The following ERBIN variants were observed in gnomAD, a reference collection of about 807,000 sequenced individuals.
The protein encoded by ERBIN is erbb2 interacting protein, also known as densin-180-like protein.
Under a neutral mutation model 158.4 loss-of-function variants are expected in ERBIN, and 60 were observed. The ratio of observed to expected loss-of-function variants is 0.38; its 90% CI spans 0.31 to 0.47. The LOEUF is 0.47. ERBIN is among the 20% of genes least tolerant of loss of function. The pLI is 0.99. For missense variants in ERBIN, 1,610 were observed against 1,648.0 expected (o/e 0.98, Z 0.40); for synonymous variants, 594 against 557.2 (o/e 1.07, Z -0.93).
intron 1 of ERBIN, among the ~76,000 whole-genome samples, chr5:65,957,487 T>G (rs1441789805): frequency 6.6e-6 from 1 of 152,190 alleles, no homozygotes; most frequent in Non-Finnish European, 1.5e-5. Context: ...TTAATCCATT[T>G]AACCCTGAGT....
At chr5:66,037,118 G>A (rs1344152042) in intron 14 of ERBIN, among the ~76,000 whole-genome samples, 1 of 151,980 alleles carries the variant, frequency 6.6e-6, no homozygotes, top group Non-Finnish European at 1.5e-5. Flanking sequence ...CATCTAAGGG[G>A]GCTTATTTTT....
rs1387715740 is a variant in ERBIN, at chr5:65,930,114, T to C, written c.-58+3308T>C. 2.6e-5 allele frequency among the ~76,000 whole-genome samples: 4 copies of C among 152,348 alleles called. No homozygotes were observed. In the South Asian group the frequency reaches 8.3e-4, roughly 32 times the overall value. On this transcript the variant is annotated intron_variant, in intron 1 of 25. Coordinates refer to ENST00000284037, the MANE Select transcript of ERBIN (RefSeq NM_001253697.2). ...ATTTTCTCTGTGTTCAGTTGGTCGT[T>C]CTTAATTATATTTTGCCATTTCCCT... is the stretch of plus-strand genomic sequence containing the variant.
chr5:66,028,775 G>T (rs1208778350), intron 14 of ERBIN, among the ~76,000 whole-genome samples: 2 of 152,012 alleles, frequency 1.3e-5, no homozygotes, highest in Non-Finnish European at 2.9e-5. Flanking sequence ...TGTACCCTTT[G>T]ACCAATATAT....
intron 1 of ERBIN, among the ~76,000 whole-genome samples, chr5:65,963,446 C>T (rs1402545007): frequency 6.6e-6 from 1 of 151,734 alleles, no homozygotes; most frequent in East Asian, 2.0e-4. Context: ...AAATACAAAA[C>T]AATTAGCTGG....
chr5:66,006,001 C>A (rs894328878), intron 4 of ERBIN, among the ~76,000 whole-genome samples: 1 of 152,110 alleles, frequency 6.6e-6, no homozygotes, highest in African/African-American at 2.4e-5. Context: ...ATACCATCCC[C>A]ATCAAGCTAC....
chr5:66,058,801 C>A (rs1580496455), intron 21 of ERBIN, among the ~76,000 whole-genome samples: 2 of 151,654 alleles, frequency 1.3e-5, no homozygotes, highest in African/African-American at 4.9e-5. Context: ...GAATCCTTTC[C>A]CCATTTCTTG....
intron 1 of ERBIN, among the ~76,000 whole-genome samples, chr5:65,948,694 A>G (rs912478184): frequency 1.3e-5 from 2 of 151,450 alleles, no homozygotes; most frequent in Admixed American, 6.6e-5. Flanking sequence ...TTTTTGCTAC[A>G]TGAGTAACAG....
At position 66,048,086 on chromosome 5, in the gene ERBIN, G is replaced by A. The variant is rs542107824; in HGVS notation, c.1789-581G>A. Among the ~76,000 whole-genome samples, 17 of 151,840 alleles carry A rather than the reference G, an allele frequency of 1.1e-4. No individual in the cohort carries two copies. The South Asian group carries it at 3.3e-3, about 30-fold the overall frequency. The stretch of plus-strand genomic sequence containing the variant: ...GATACAGGAGAATGGAATGAAATGG[G>A]GAAGGAATGATGAGAGTGAAAGAAT... On this transcript the variant is annotated intron_variant, in intron 18 of 25. Coordinates refer to ENST00000284037, the MANE Select transcript of ERBIN (RefSeq NM_001253697.2).
chr5:66,030,069 G>C (rs1330478324), intron 14 of ERBIN, among the ~76,000 whole-genome samples: 1 of 151,846 alleles, frequency 6.6e-6, no homozygotes, highest in African/African-American at 2.4e-5. Context: ...ACAGAGTCTT[G>C]CTCTGTCACC....
chr5:65,958,627 G>C (rs930315619), intron 1 of ERBIN, among the ~76,000 whole-genome samples: 1 of 151,100 alleles, frequency 6.6e-6, no homozygotes, highest in African/African-American at 2.4e-5. Flanking sequence ...GAGGGAGACC[G>C]TGGGGAGAGG....
At chr5:65,941,472 T>C in intron 1 of ERBIN, among the ~76,000 whole-genome samples, 1 of 152,138 alleles carries the variant, frequency 6.6e-6, no homozygotes, top group East Asian at 1.9e-4. Context: ...CCATTTTATA[T>C]GAGGGATACT....
rs564899960 is a variant in ERBIN at position 66,076,086 on chromosome 5, A to G, written c.3964-230A>G. ...ATTCCTTATCCTCATAAGACAAGCAATAAAATTAGGAGCTATGCTTTATAT... is the reference window on the plus strand; with the variant it reads ...ATTCCTTATCCTCATAAGACAAGCAGTAAAATTAGGAGCTATGCTTTATAT... On this transcript the variant is annotated intron_variant, in intron 23 of 25. Coordinates refer to ENST00000284037, the MANE Select transcript of ERBIN (RefSeq NM_001253697.2). 2.5e-5 allele frequency: 12 copies of G among 482,922 alleles called. No individual in the cohort carries two copies. The South Asian group carries it at 2.6e-4, about 10-fold the overall frequency. The allele number at this position is 482,922 out of a possible 1,614,324, so 29.9% of individuals were successfully genotyped here. A position where few individuals can be genotyped will look rare whatever the true frequency, so the allele number is the denominator to read the frequency against.
intron 21 of ERBIN, among the ~76,000 whole-genome samples, chr5:66,069,505 T>C (rs1761340040): frequency 6.6e-6 from 1 of 152,200 alleles, no homozygotes; most frequent in East Asian, 1.9e-4. Context: ...TTGTAATAAG[T>C]GTCAGTGAAA....
intron 1 of ERBIN, among the ~76,000 whole-genome samples, chr5:65,960,330 A>G (rs1468450709): frequency 6.6e-6 from 1 of 152,200 alleles, no homozygotes; most frequent in Admixed American, 6.5e-5. Flanking sequence ...ATTGCTTGGT[A>G]GGGGCATTGA....
chr5:66,054,935 C>T lies in ERBIN; in HGVS notation c.3617C>T (p.Ala1206Val), dbSNP rs1759444164. ...WREQVLRHIE[A>V]KKLEKKHPQT... is the part of the protein sequence containing the mutation. ...GAACAAGTACTTCGACATATTGAAG[C>T]CAAAAAGTTAGAAAAGGTAATTGAA... The change falls in exon 21 of 26, where the codon GCC (alanine) becomes GTC (valine). Residue 1206 changes from alanine to valine, a missense_variant. Coordinates refer to ENST00000284037, the MANE Select transcript of ERBIN (RefSeq NM_001253697.2). The T allele has an allele frequency of 6.4e-7, 1 of 1,570,704 alleles. No homozygotes were observed. Among genetic ancestry groups the T allele is most frequent in the South Asian group, 1.2e-5 (1 of 85,392 alleles).
intron 4 of ERBIN, among the ~76,000 whole-genome samples, chr5:66,011,453 C>G (rs1262097401): frequency 6.6e-6 from 1 of 152,254 alleles, no homozygotes; most frequent in East Asian, 1.9e-4. Context: ...TTTGGGAGAT[C>G]GAGGTGGGTG....
intron 1 of ERBIN, among the ~76,000 whole-genome samples, chr5:65,959,056 G>A (rs1205695998): frequency 2.0e-5 from 3 of 152,176 alleles, no homozygotes. Context: ...AGTAGACATT[G>A]CGTATACACA....
chr5:66,028,390 T>C (rs751017457), intron 14 of ERBIN, 47 bp downstream of exon 14: 9 of 1,511,466 alleles, frequency 6.0e-6, no homozygotes, highest in Non-Finnish European at 8.2e-6. Flanking sequence ...ATTTGTGTTA[T>C]ATAGTTTTGC....
intron 1 of ERBIN, among the ~76,000 whole-genome samples, chr5:65,967,774 C>G (rs545871659): frequency 6.6e-6 from 1 of 152,262 alleles, no homozygotes; most frequent in East Asian, 1.9e-4. Context: ...TATTATAAAC[C>G]AAGAAGAGTC....
Sources: gnomAD v4.1 joint callset for allele counts (sites outside exome capture counted in the v4.1 genomes callset) on GRCh38, gnomAD v4.1.1 for gene constraint, MANE v1.5 for transcripts, NCBI Gene and HGNC (gene_info 2026-07-23, HGNC 2026-07-21) for gene names.